The following GRIN2B variants were observed in gnomAD, a reference collection of about 807,000 sequenced individuals.
GRIN2B encodes glutamate receptor ionotropic, NMDA 2B.
Under a neutral mutation model 114.5 loss-of-function variants are expected in GRIN2B, and 5 were observed. The ratio of observed to expected loss-of-function variants is 0.04; its 90% CI spans 0.02 to 0.09. The LOEUF is 0.09. Among genes scored for constraint, GRIN2B ranks in the 10% least tolerant of loss-of-function variants. The pLI is 1.00. For missense variants in GRIN2B, 1,108 were observed against 1,943.5 expected (o/e 0.57, Z 8.08); for synonymous variants, 787 against 745.1 (o/e 1.06, Z -0.92).
intron 2 of GRIN2B, among the ~76,000 whole-genome samples, chr12:13,920,872 C>T (rs972136916): frequency 2.6e-5 from 4 of 152,132 alleles, no homozygotes; most frequent in Non-Finnish European, 4.4e-5. Context: ...TAAATTTCCT[C>T]TTCAAAATAC....
At chr12:13,694,048 G>A (rs1209424638) in intron 4 of GRIN2B, among the ~76,000 whole-genome samples, 1 of 152,100 alleles carries the variant, frequency 6.6e-6, no homozygotes, top group African/African-American at 2.4e-5. Flanking sequence ...CAGCAAGGGA[G>A]AGTAATTAGG....
chr12:13,897,555 G>T (rs1301959728), intron 2 of GRIN2B, among the ~76,000 whole-genome samples: 1 of 152,070 alleles, frequency 6.6e-6, no homozygotes, highest in Non-Finnish European at 1.5e-5. Flanking sequence ...GAAAATGTGG[G>T]TTCTCCCAAT....
intron 4 of GRIN2B, among the ~76,000 whole-genome samples, chr12:13,694,655 T>TCACA (rs201706764): frequency 4.2e-5 from 2 of 48,114 alleles, no homozygotes; most frequent in South Asian, 7.0e-4. Context: ...CAAGAAAATG[T>TCACA]CATATATATA....
intron 2 of GRIN2B, among the ~76,000 whole-genome samples, chr12:13,964,528 A>G (rs2136865537): frequency 6.6e-6 from 1 of 152,342 alleles, no homozygotes; most frequent in Middle Eastern, 3.4e-3. Flanking sequence ...AACCAGAGGA[A>G]TATTTGCCAG....
At chr12:13,682,158 C>G (rs974421332) in intron 4 of GRIN2B, among the ~76,000 whole-genome samples, 2 of 152,096 alleles carry the variant, frequency 1.3e-5, no homozygotes, top group Non-Finnish European at 2.9e-5. Context: ...CAAAATAAAT[C>G]CAAAATGATT....
intron 2 of GRIN2B, among the ~76,000 whole-genome samples, chr12:13,894,388 C>T (rs1407093487): frequency 1.3e-5 from 2 of 151,958 alleles, no homozygotes; most frequent in African/African-American, 2.4e-5. Flanking sequence ...TGACAGAATG[C>T]TAAGTAGCCT....
intron 4 of GRIN2B, among the ~76,000 whole-genome samples, chr12:13,731,506 C>G (rs982787602): frequency 2.6e-5 from 4 of 152,090 alleles, no homozygotes; most frequent in Non-Finnish European, 5.9e-5. Flanking sequence ...GAGGCTGAGG[C>G]AGGAGAATGG....
chr12:13,873,912 T>C (rs764574570), intron 2 of GRIN2B, among the ~76,000 whole-genome samples: 1 of 152,186 alleles, frequency 6.6e-6, no homozygotes, highest in Non-Finnish European at 1.5e-5. Flanking sequence ...AAAACCTTCA[T>C]TAAAGCTGTT....
intron 3 of GRIN2B, among the ~76,000 whole-genome samples, chr12:13,763,884 TCC>T (rs1863727153): frequency 6.6e-6 from 1 of 152,230 alleles, no homozygotes; most frequent in African/African-American, 2.4e-5. Flanking sequence ...AAAATTGCTC[TCC>T]TTTTCCAGAA....
chr12:13,739,162 C>T (rs985308205), intron 4 of GRIN2B, among the ~76,000 whole-genome samples: 2 of 151,912 alleles, frequency 1.3e-5, no homozygotes, highest in Non-Finnish European at 2.9e-5. Flanking sequence ...AGGCAGATCA[C>T]CTGAGGTCAG....
rs757347591 is a variant in GRIN2B at position 13,567,100 on chromosome 12, A to C, written c.2523T>G (p.Leu841=). 14 of 1,614,080 alleles carry C rather than the reference A, an allele frequency of 8.7e-6. No homozygotes were observed. The highest frequency in any genetic ancestry group is 1.3e-5 in the African/African-American group (1 of 74,930). ...LSLITFICEH[L]FYWQFRHCFM... The stretch of plus-strand genomic sequence containing the variant: ...AGCAATGTCGGAACTGCCAATAGAA[A>C]AGGTGTTCGCAGATGAAGGTGATGA... The change falls in exon 13 of 14, where the codon CTT becomes CTG. Residue 841 remains leucine (L), a synonymous_variant. Coordinates refer to ENST00000609686, the MANE Select transcript of GRIN2B (RefSeq NM_000834.5).
chr12:13,764,693 G>C lies in GRIN2B; in HGVS notation c.412-10778C>G, dbSNP rs1292696518. 2.0e-5 allele frequency among the ~76,000 whole-genome samples: 3 copies of C among 152,216 alleles called. No individual in the cohort carries two copies. In the East Asian group the frequency reaches 5.8e-4, roughly 29 times the overall value. Reference sequence around the variant, plus strand: ...TATTTTGAAATTTGTTTACTTGTTTGCTTTCAAACCACATTCAGTGGTCTC... The same window carrying C: ...TATTTTGAAATTTGTTTACTTGTTTCCTTTCAAACCACATTCAGTGGTCTC... On this transcript the variant is annotated intron_variant, in intron 3 of 13. Coordinates refer to ENST00000609686, the MANE Select transcript of GRIN2B (RefSeq NM_000834.5).
intron 4 of GRIN2B, among the ~76,000 whole-genome samples, chr12:13,690,285 C>CCACATACACACA (rs1555121792): frequency 2.1e-4 from 30 of 144,678 alleles, no homozygotes; most frequent in Non-Finnish European, 4.2e-4. Context: ...CTATGTCACA[C>CCACATACACACA]CACACACACA....
At chr12:13,817,425 C>T (rs1864846992) in intron 3 of GRIN2B, among the ~76,000 whole-genome samples, 1 of 152,182 alleles carries the variant, frequency 6.6e-6, no homozygotes, top group Non-Finnish European at 1.5e-5. Context: ...GGCCCAGCAG[C>T]ACGGTCCACA....
chr12:13,904,994 G>A (rs896746650), intron 2 of GRIN2B, among the ~76,000 whole-genome samples: 2 of 152,082 alleles, frequency 1.3e-5, no homozygotes, highest in Non-Finnish European at 2.9e-5. Flanking sequence ...TTTTGAATCT[G>A]TAGATTTGAC....
intron 3 of GRIN2B, among the ~76,000 whole-genome samples, chr12:13,863,771 G>C (rs184183330): frequency 6.6e-6 from 1 of 152,128 alleles, no homozygotes; most frequent in Admixed American, 6.5e-5. Context: ...GAAGCAATCA[G>C]CTAGTTTAGG....
chr12:13,891,025 A>G (rs1323581455), intron 2 of GRIN2B, among the ~76,000 whole-genome samples: 1 of 152,190 alleles, frequency 6.6e-6, no homozygotes, highest in African/African-American at 2.4e-5. Context: ...TATCAGTATT[A>G]GTGATGCAGA....
At chr12:13,947,356 A>C (rs917042403) in intron 2 of GRIN2B, among the ~76,000 whole-genome samples, 1 of 152,188 alleles carries the variant, frequency 6.6e-6, no homozygotes, top group Non-Finnish European at 1.5e-5. Context: ...TGTAGGCTGC[A>C]TGTTGCTTTC....
chr12:13,694,876 C>T (rs747465622), intron 4 of GRIN2B, among the ~76,000 whole-genome samples: 43 of 151,518 alleles, frequency 2.8e-4, no homozygotes, highest in Admixed American at 7.9e-4. Flanking sequence ...GAAGAAAAGT[C>T]TCTGTGAATG....
Sources: gnomAD v4.1 joint callset for allele counts (sites outside exome capture counted in the v4.1 genomes callset) on GRCh38, gnomAD v4.1.1 for gene constraint, MANE v1.5 for transcripts, NCBI Gene and HGNC (gene_info 2026-07-23, HGNC 2026-07-21) for gene names.